TRPV4: variants seen among roughly 807,000 people sequenced by gnomAD.
TRPV4 encodes the protein transient receptor potential cation channel subfamily V member 4.
A neutral mutation model predicts 84.1 loss-of-function variants in TRPV4; 58 were observed. That is an observed-to-expected ratio of 0.69 (90% CI 0.56 to 0.86). TRPV4 has a LOEUF of 0.86. TRPV4 is among the 40% of genes least tolerant of loss of function. The pLI, the probability that TRPV4 is intolerant of heterozygous loss-of-function variation, is 0.00. For missense variants in TRPV4, 879 were observed against 1,181.1 expected (o/e 0.74, Z 3.75); for synonymous variants, 489 against 500.9 (o/e 0.98, Z 0.32).
rs11832030 is a variant in TRPV4 at position 109,813,040 on chromosome 12, G to T, written c.386+1371C>A. ...AAATAAGAAGATAAACAAATGGAAG[G>T]CTGGATGTGTAGGTGAAGAGATGGA... On this transcript the variant is annotated intron_variant, in intron 2 of 15. Transcript: ENST00000261740. Among the ~76,000 whole-genome samples, 481 of 152,208 alleles carry T rather than the reference G, an allele frequency of 3.2e-3. 1 individual carries two copies. The highest frequency in any genetic ancestry group is 0.011 in the African/African-American group (465 of 41,514).
At chr12:109,792,204 T>C (rs568693885) in intron 12 of TRPV4, among the ~76,000 whole-genome samples, 159 bp downstream of exon 12, 3 of 147,604 alleles carry the variant, frequency 2.0e-5, no homozygotes, top group Admixed American at 6.8e-5. Flanking sequence ...GATTGTGCCA[T>C]TGCACTCCAG....
Position 109,786,045 on chromosome 12 carries a change from A to G in TRPV4, c.2336+665T>C, listed in dbSNP as rs1389980313. Among the ~76,000 whole-genome samples, 6 of 152,098 alleles carry G rather than the reference A, an allele frequency of 3.9e-5. No homozygotes were observed. Among genetic ancestry groups the G allele is most frequent in the Non-Finnish European group, 7.4e-5 (5 of 67,998 alleles). ...TGGAATTGAACTGATCGGATGGCCT[A>G]GGAGGTGGGTTCTATTATTGTTCCC... On this transcript the variant is annotated intron_variant, in intron 14 of 15. Coordinates refer to ENST00000261740, the MANE Select transcript of TRPV4 (RefSeq NM_021625.5). The surrounding 1 kb of genome is among the most constrained non-coding windows in gnomAD (Gnocchi z 4.5).
chr12:109,798,160 G>A lies in TRPV4; in HGVS notation c.1152+454C>T, dbSNP rs564648655. On this transcript the variant is annotated intron_variant, in intron 6 of 15. Coordinates refer to ENST00000261740, the MANE Select transcript of TRPV4 (RefSeq NM_021625.5). This position sits in a 1 kb window ranked among gnomAD's most constrained non-coding sequence, Gnocchi z 5.0. ...GGCCCGGGATGCAGATCAATGTCTG[G>A]CAATAGCACAAGACGGTCCCCACCA... 7.6e-4 allele frequency among the ~76,000 whole-genome samples: 115 copies of A among 152,308 alleles called. No individual in the cohort carries two copies. Among genetic ancestry groups the A allele is most frequent in the African/African-American group, 2.7e-3 (112 of 41,576 alleles).
intron 2 of TRPV4, among the ~76,000 whole-genome samples, chr12:109,809,923 C>T (rs986338206): frequency 6.6e-6 from 1 of 152,214 alleles, no homozygotes; most frequent in African/African-American, 2.4e-5. Flanking sequence ...ACACGGTAAA[C>T]ATTCAATAAA....
Position 109,793,999 on chromosome 12 carries a change from C to G in TRPV4, c.1515G>C (p.Thr505=), listed in dbSNP as rs1056692999. Residue 505 remains threonine, a synonymous_variant, in exon 9 of 16, where the codon ACG becomes ACC. Transcript: ENST00000261740. The surrounding 1 kb of genome is among the most constrained non-coding windows in gnomAD (Gnocchi z 4.0). The part of the protein sequence containing the change: ...EGTPPYPYRT[T]VDYLRLAGEV... The stretch of plus-strand genomic sequence containing the variant: ...CGCCAGCCAGCCGCAGGTAGTCCAC[C>G]GTGGTGCGGTAAGGGTACGGCGGCT... The G allele has an allele frequency of 3.7e-6, 6 of 1,609,500 alleles. No individual in the cohort carries two copies. Among genetic ancestry groups the G allele is most frequent in the Non-Finnish European group, 5.1e-6 (6 of 1,178,830 alleles).
At chr12:109,794,960 G>A (rs927080221) in intron 7 of TRPV4, among the ~76,000 whole-genome samples, 2 of 152,212 alleles carry the variant, frequency 1.3e-5, no homozygotes, top group Admixed American at 1.3e-4. Context: ...GGAGATTGCA[G>A]TGAGCCTAGA....
At chr12:109,818,463 G>A (rs948502129) in intron 1 of TRPV4, among the ~76,000 whole-genome samples, 2 of 152,020 alleles carry the variant, frequency 1.3e-5, no homozygotes, top group East Asian at 1.9e-4. Flanking sequence ...GAGGCTAAGC[G>A]ACTTACCTGA....
At position 109,788,631 on chromosome 12, in the gene TRPV4, C is replaced by G; in HGVS notation, c.1977G>C (p.Ser659=). The G allele has an allele frequency of 6.2e-7, 1 of 1,614,178 alleles. No homozygotes were observed. Among genetic ancestry groups the G allele is most frequent in the Non-Finnish European group, 8.5e-7 (1 of 1,180,036 alleles). The change falls in exon 13 of 16, where the codon TCG becomes TCC. Residue 659 remains serine, a synonymous_variant. Coordinates refer to ENST00000261740, the MANE Select transcript of TRPV4 (RefSeq NM_021625.5). ...TGCTGAAGGTCTCGCTGTCACGGCA[C>G]GAGGGGTAAGTGGGCACTGTGCAGT... ...QTNCTVPTYP[S]CRDSETFSTF...
chr12:109,815,036 A>G lies in TRPV4; in HGVS notation c.-31-209T>C. ...CAGGAGCCTCTTTCACGAACCTGGA[A>G]ACACAAATTGGCCCCAGGTCCAACT... On this transcript the variant is annotated intron_variant, in intron 1 of 15. Transcript: ENST00000261740. This position sits in a 1 kb window ranked among gnomAD's most constrained non-coding sequence, Gnocchi z 4.1. The G allele has an allele frequency of 1.7e-6, 1 of 590,294 alleles. No homozygotes were observed. The highest frequency in any genetic ancestry group is 2.8e-5 in the East Asian group (1 of 35,126). The allele number at this position is 590,294 out of a possible 1,614,324, so 36.6% of individuals were successfully genotyped here. A position where few individuals can be genotyped will look rare whatever the true frequency, so the allele number is the denominator to read the frequency against.
chr12:109,828,438 TG>T (rs1892325350), intron 1 of TRPV4, among the ~76,000 whole-genome samples: 1 of 152,190 alleles, frequency 6.6e-6, no homozygotes, highest in Non-Finnish European at 1.5e-5. Context: ...TCCTCATTCC[TG>T]TCCGGCCACT....
chr12:109,819,567 GTGTT>G (rs1270276039), intron 1 of TRPV4, among the ~76,000 whole-genome samples: 4 of 152,260 alleles, frequency 2.6e-5, no homozygotes, highest in South Asian at 4.1e-4. Context: ...AGAGCAGCGG[GTGTT>G]TGTTTGTTGA....
rs567120731 is a variant in TRPV4, at chr12:109,793,680, T to C, written c.1585-80A>G. On this transcript the variant is annotated intron_variant, in intron 9 of 15. Transcript: ENST00000261740. This position sits in a 1 kb window ranked among gnomAD's most constrained non-coding sequence, Gnocchi z 4.0. ...AGGAGAGAGGAGACAGAGAAAGGGATAGAAGAGAGGGAGGCAGAGGCTGGT... is the reference window on the plus strand; with the variant it reads ...AGGAGAGAGGAGACAGAGAAAGGGACAGAAGAGAGGGAGGCAGAGGCTGGT... The C allele has an allele frequency of 2.8e-5, 34 of 1,213,688 alleles. No homozygotes were observed. The African/African-American group carries it at 3.9e-4, about 14-fold the overall frequency. 75.2% of individuals were successfully genotyped at this position (1,213,688 alleles called of 1,614,324 possible).
intron 5 of TRPV4, 145 bp from the exon 6 acceptor site, chr12:109,799,057 T>C: frequency 2.5e-6 from 2 of 796,684 alleles, no homozygotes; most frequent in Non-Finnish European, 3.9e-6. Context: ...TGCACGTTTC[T>C]CTGGGTGATG....
At chr12:109,810,767 A>G (rs1891470503) in intron 2 of TRPV4, among the ~76,000 whole-genome samples, 1 of 152,144 alleles carries the variant, frequency 6.6e-6, no homozygotes, top group Non-Finnish European at 1.5e-5. Flanking sequence ...TCACTGAGGC[A>G]GCCTTCAGGG....
chr12:109,798,646 G>A lies in TRPV4; in HGVS notation c.1120C>T (p.Leu374Phe). The A allele has an allele frequency of 6.2e-6, 10 of 1,612,792 alleles. No individual in the cohort carries two copies. The highest frequency in any genetic ancestry group is 8.5e-6 in the Non-Finnish European group (10 of 1,180,022). Reference protein sequence around the residue: ...AVLNNDGLSPLMMAAKTGKIG... With the variant: ...AVLNNDGLSPFMMAAKTGKIG... ...TTGCCCGTCTTGGCAGCCATCATGA[G>A]GGGCGAGAGGCCGTCGTTGTTGAGC... The change falls in exon 6 of 16, where the codon CTC (leucine) becomes TTC (phenylalanine). Residue 374 changes from leucine (L) to phenylalanine (F), a missense_variant. Coordinates refer to ENST00000261740, the MANE Select transcript of TRPV4 (RefSeq NM_021625.5). The surrounding 1 kb of genome is among the most constrained non-coding windows in gnomAD (Gnocchi z 5.0).
intron 5 of TRPV4, among the ~76,000 whole-genome samples, chr12:109,799,617 A>G (rs1011793293): frequency 2.6e-5 from 4 of 152,234 alleles, no homozygotes; most frequent in African/African-American, 9.6e-5. Flanking sequence ...ATTAAAGCAC[A>G]CAGACAATAC....
chr12:109,788,301 G>C, intron 13 of TRPV4, 99 bp downstream of exon 13: 1 of 1,178,940 alleles, frequency 8.5e-7, no homozygotes. Context: ...AGAAGACACT[G>C]CTTGCTCAGA....
chr12:109,783,699 G>GT lies in TRPV4; in HGVS notation c.2537dup (p.Asp846GlufsTer22). On this transcript the variant is annotated frameshift_variant, in exon 16 of 16. Transcript: ENST00000261740. LOFTEE classifies it high-confidence loss of function. The surrounding 1 kb of genome is among the most constrained non-coding windows in gnomAD (Gnocchi z 4.6). ...CATCGCAGCGGGGGTTCCCCATGCT[G>GT]TCCAGAGGCACCACCACCTCGTCCG... 1.2e-6 allele frequency: 2 copies of GT among 1,613,834 alleles called. No individual in the cohort carries two copies. The highest frequency in any genetic ancestry group is 1.7e-6 in the Non-Finnish European group (2 of 1,180,002).
At chr12:109,802,814 C>T (rs1890880881) in intron 4 of TRPV4, among the ~76,000 whole-genome samples, 177 bp downstream of exon 4, 1 of 151,284 alleles carries the variant, frequency 6.6e-6, no homozygotes, top group Non-Finnish European at 1.5e-5. Context: ...GTTCCTTCAT[C>T]CATCCATCTA....
Sources: gnomAD v4.1 joint callset for allele counts (sites outside exome capture counted in the v4.1 genomes callset) on GRCh38, gnomAD v4.1.1 for gene constraint, Gnocchi (gnomAD v3.1) non-coding constraint, MANE v1.5 for transcripts, NCBI Gene and HGNC (gene_info 2026-07-23, HGNC 2026-07-21) for gene names.